MAP3K5: variants seen among roughly 807,000 people sequenced by gnomAD.
MAP3K5 encodes mitogen-activated protein kinase kinase kinase 5, also known as ASK-1.
A neutral mutation model predicts 158.7 loss-of-function variants in MAP3K5; 56 were observed. The observed-to-expected ratio is 0.35, with a 90% CI of 0.28 to 0.44. The LOEUF is 0.44. MAP3K5 is among the 20% of genes least tolerant of loss of function. The probability of loss-of-function intolerance (pLI) is 1.00; values close to 1 mark genes in which losing one functional copy is unlikely to be tolerated. For synonymous variants in MAP3K5, 579 were observed against 601.7 expected, an observed-to-expected ratio of 0.96 and a Z score of 0.55; for missense variants, 1,294 against 1,674.8, an observed-to-expected ratio of 0.77 and a Z score of 3.97.
intron 1 of MAP3K5, among the ~76,000 whole-genome samples, chr6:136,749,523 G>A (rs960893960): frequency 2.6e-5 from 4 of 151,982 alleles, no homozygotes; most frequent in African/African-American, 9.7e-5. Flanking sequence ...CCCACGGCCA[G>A]ATAACCTCCT....
chr6:136,575,602 T>C (rs983530706), intron 25 of MAP3K5, among the ~76,000 whole-genome samples: 3 of 152,224 alleles, frequency 2.0e-5, no homozygotes, highest in Non-Finnish European at 4.4e-5. Flanking sequence ...ATGTAACTAG[T>C]ATTTCTTTAT....
intron 1 of MAP3K5, among the ~76,000 whole-genome samples, chr6:136,772,483 C>CG (rs1784246747): frequency 2.7e-5 from 4 of 150,324 alleles, no homozygotes; most frequent in Admixed American, 2.6e-4. Context: ...GGGGCAGTGG[C>CG]GGGGGGCTTC....
chr6:136,752,946 C>T (rs2114930457), intron 1 of MAP3K5, among the ~76,000 whole-genome samples: 1 of 152,296 alleles, frequency 6.6e-6, no homozygotes, highest in South Asian at 2.1e-4. Flanking sequence ...TGCATGGCTC[C>T]TTCACACCAC....
chr6:136,649,666 A>C (rs1385782412), intron 11 of MAP3K5, among the ~76,000 whole-genome samples: 1 of 152,220 alleles, frequency 6.6e-6, no homozygotes, highest in Non-Finnish European at 1.5e-5. Flanking sequence ...AAGCAGGGTT[A>C]AACTCTGGGG....
rs777806942 is a variant in MAP3K5 at position 136,611,304 on chromosome 6, G to A, written c.2499C>T (p.Asn833=). 3.1e-6 allele frequency: 5 copies of A among 1,612,384 alleles called. No individual in the cohort carries two copies. The South Asian group carries it at 4.4e-5, about 14-fold the overall frequency. ...FGTSKRLAGI[N]PCTETFTGTL... is the part of the protein sequence containing the mutation. ...TACCAGTAAAAGTTTCAGTACAGGG[G>A]TTTATGCCAGCAAGCCTCTTTGATG... is the stretch of plus-strand genomic sequence containing the variant. The change falls in exon 18 of 30, where the codon AAC becomes AAT. Residue 833 remains asparagine, a synonymous_variant. Coordinates refer to ENST00000359015, the MANE Select transcript of MAP3K5 (RefSeq NM_005923.4).
chr6:136,588,816 C>G (rs994173325), intron 23 of MAP3K5, among the ~76,000 whole-genome samples: 3 of 152,202 alleles, frequency 2.0e-5, no homozygotes, highest in Non-Finnish European at 4.4e-5. Context: ...CGCCACGAAG[C>G]ATGCATGACA....
chr6:136,559,454 G>A (rs150186469), intron 28 of MAP3K5, among the ~76,000 whole-genome samples: 185 of 152,304 alleles, frequency 1.2e-3, no homozygotes, highest in African/African-American at 4.2e-3. Flanking sequence ...ACTTCTGAAT[G>A]GTCTTCTAAT....
chr6:136,669,884 G>GGTGTGTGTGTGTGT (rs60778677), intron 7 of MAP3K5, among the ~76,000 whole-genome samples: 3 of 144,402 alleles, frequency 2.1e-5, no homozygotes, highest in Non-Finnish European at 3.0e-5. Context: ...CATCATTCAG[G>GGTGTGTGTGTGTGT]GTGTGTGTGT....
chr6:136,747,919 T>C (rs778807733), intron 1 of MAP3K5, among the ~76,000 whole-genome samples: 3 of 152,194 alleles, frequency 2.0e-5, no homozygotes, highest in Non-Finnish European at 4.4e-5. Context: ...AAGCCAACTT[T>C]AGCCAACAGG....
chr6:136,732,754 T>C lies in MAP3K5; in HGVS notation c.449-12165A>G, dbSNP rs1290208734. On this transcript the variant is annotated intron_variant, in intron 1 of 29. Coordinates refer to ENST00000359015, the MANE Select transcript of MAP3K5 (RefSeq NM_005923.4). ...TTGTGATAGTAACAACGCTTACAAC[T>C]ACAGCAACAGAAGCAAGATGTAAGC... Among the ~76,000 whole-genome samples, 6 of 152,210 alleles carry C rather than the reference T, an allele frequency of 3.9e-5. No homozygotes were observed. In the East Asian group the frequency reaches 1.2e-3, roughly 29 times the overall value.
intron 11 of MAP3K5, among the ~76,000 whole-genome samples, chr6:136,643,390 T>A (rs976154854): frequency 3.9e-5 from 6 of 152,164 alleles, no homozygotes; most frequent in Non-Finnish European, 7.4e-5. Context: ...TGTGTCTAAG[T>A]TGAGCAAGTA....
intron 14 of MAP3K5, among the ~76,000 whole-genome samples, chr6:136,623,770 T>C (rs1284149335): frequency 6.6e-6 from 1 of 152,170 alleles, no homozygotes; most frequent in African/African-American, 2.4e-5. Flanking sequence ...AAACCCAGCA[T>C]AAAACTACAG....
intron 14 of MAP3K5, among the ~76,000 whole-genome samples, chr6:136,634,597 TGA>T (rs2129103702): frequency 6.6e-6 from 1 of 152,260 alleles, no homozygotes; most frequent in Admixed American, 6.5e-5. Context: ...CTTTTTTTTT[TGA>T]GACCAAGTCT....
At chr6:136,639,006 C>T (rs1777785315) in intron 13 of MAP3K5, among the ~76,000 whole-genome samples, 1 of 152,134 alleles carries the variant, frequency 6.6e-6, no homozygotes, top group Admixed American at 6.5e-5. Flanking sequence ...ACATACAATG[C>T]AGTCCATGGA....
intron 8 of MAP3K5, among the ~76,000 whole-genome samples, chr6:136,663,359 C>G (rs1176554826): frequency 1.3e-5 from 2 of 152,186 alleles, no homozygotes; most frequent in African/African-American, 4.8e-5. Flanking sequence ...TGAACCATTT[C>G]AAATTAAATT....
intron 7 of MAP3K5, among the ~76,000 whole-genome samples, chr6:136,682,162 G>A (rs1167445854): frequency 6.6e-6 from 1 of 152,186 alleles, no homozygotes; most frequent in Non-Finnish European, 1.5e-5. Flanking sequence ...ATGAGCTGGT[G>A]TCATGCTGAG....
At chr6:136,664,203 T>C (rs1266607482) in intron 8 of MAP3K5, among the ~76,000 whole-genome samples, 1 of 152,042 alleles carries the variant, frequency 6.6e-6, no homozygotes, top group Non-Finnish European at 1.5e-5. Flanking sequence ...GTGAACACTA[T>C]TGTGAACTGC....
intron 2 of MAP3K5, among the ~76,000 whole-genome samples, chr6:136,705,603 G>A (rs1781041066): frequency 6.6e-6 from 1 of 152,128 alleles, no homozygotes; most frequent in African/African-American, 2.4e-5. Flanking sequence ...ACGATGCCCG[G>A]CCTAAAAAGT....
chr6:136,758,711 T>C (rs1398785483), intron 1 of MAP3K5, among the ~76,000 whole-genome samples: 2 of 152,262 alleles, frequency 1.3e-5, no homozygotes, highest in Non-Finnish European at 1.5e-5. Flanking sequence ...CTGTTTATAC[T>C]TTAATAATTT....
Sources: allele counts gnomAD v4.1 joint callset (sites outside exome capture counted in the v4.1 genomes callset), GRCh38; gene constraint gnomAD v4.1.1; transcripts MANE v1.5; gene names NCBI Gene and HGNC (gene_info 2026-07-23, HGNC 2026-07-21).